The following KDM4B variants were observed in gnomAD, a reference collection of about 807,000 sequenced individuals.
KDM4B encodes lysine demethylase 4B.
Under a neutral mutation model 125.2 loss-of-function variants are expected in KDM4B, and 32 were observed. The ratio of observed to expected loss-of-function variants is 0.26; its 90% CI spans 0.19 to 0.34. The LOEUF (loss-of-function observed/expected upper bound fraction) is 0.34. Ranked by LOEUF, KDM4B falls within the 10% of genes least tolerant of loss-of-function variation. KDM4B has a pLI of 1.00. For synonymous variants in KDM4B, 721 were observed against 677.9 expected (o/e 1.06, Z -0.99); for missense variants, 1,190 against 1,577.7 (o/e 0.75, Z 4.16).
intron 5 of KDM4B, among the ~76,000 whole-genome samples, chr19:5,043,253 C>A (rs1351719282): frequency 7.7e-6 from 1 of 130,566 alleles, no homozygotes; most frequent in Non-Finnish European, 1.7e-5. Context: ...GGGTGTCCAC[C>A]TTATCCCGTG....
At chr19:5,118,798 C>T (rs759207202) in intron 10 of KDM4B, among the ~76,000 whole-genome samples, 12 of 152,238 alleles carry the variant, frequency 7.9e-5, no homozygotes, top group Non-Finnish European at 1.5e-4. Flanking sequence ...TTACTTGGGG[C>T]TGGTGTGCAG....
Position 5,082,889 on chromosome 19 carries a change from A to G in KDM4B, c.918+385A>G, listed in dbSNP as rs186557418. On this transcript the variant is annotated intron_variant, in intron 9 of 22. Transcript: ENST00000159111. The surrounding 1 kb of genome is among the most constrained non-coding windows in gnomAD (Gnocchi z 5.4). ...GGCTCCTGGGCATCTCCTGGCCATC[A>G]TGGTCCTGGGGTTGGGTTGTTTGCT... Among the ~76,000 whole-genome samples, 722 of 152,066 alleles carry G rather than the reference A, an allele frequency of 4.7e-3. 4 individuals are homozygous for G. Among genetic ancestry groups the G allele is most frequent in the Admixed American group, 0.012 (182 of 15,284 alleles).
intron 1 of KDM4B, among the ~76,000 whole-genome samples, chr19:5,004,214 G>A (rs1378670975): frequency 2.6e-5 from 4 of 152,244 alleles, no homozygotes; most frequent in Admixed American, 6.5e-5. Context: ...TCTTCTGGGG[G>A]AAGGAGACTC....
At chr19:5,038,836 G>A (rs2036714807) in intron 3 of KDM4B, among the ~76,000 whole-genome samples, 1 of 152,236 alleles carries the variant, frequency 6.6e-6, no homozygotes, top group African/African-American at 2.4e-5. Context: ...CTGCCTCACG[G>A]CCCCTGTCCC....
At chr19:4,976,780 G>T (rs569620855) in intron 1 of KDM4B, among the ~76,000 whole-genome samples, 1 of 152,186 alleles carries the variant, frequency 6.6e-6, no homozygotes, top group South Asian at 2.1e-4. Flanking sequence ...GTCAGTAGCC[G>T]AGTGGGGGAC....
At chr19:4,996,446 C>T (rs569617216) in intron 1 of KDM4B, among the ~76,000 whole-genome samples, 19 of 152,272 alleles carry the variant, frequency 1.2e-4, no homozygotes, top group Admixed American at 1.1e-3. Flanking sequence ...ATGATCACAG[C>T]TCCTTGCAGC....
chr19:5,137,427 C>T (rs1439075210), intron 16 of KDM4B, 89 bp downstream of exon 16: 1 of 1,321,894 alleles, frequency 7.6e-7, no homozygotes, highest in East Asian at 2.5e-5. Flanking sequence ...CGTAGTCTCC[C>T]CTCCGTGGGC....
chr19:5,027,633 C>T (rs1169403201), intron 2 of KDM4B, among the ~76,000 whole-genome samples: 7 of 151,448 alleles, frequency 4.6e-5, no homozygotes, highest in African/African-American at 1.2e-4. Flanking sequence ...CTCTGCCTCC[C>T]GGGTTCAAGC....
intron 10 of KDM4B, chr19:5,113,452 C>G (rs1372564526): frequency 1.3e-5 from 2 of 153,792 alleles, no homozygotes; most frequent in African/African-American, 4.8e-5. Context: ...GGTCGGTTCC[C>G]CCCTGAGCAG....
chr19:5,024,266 G>A lies in KDM4B; in HGVS notation c.-26+7927G>A, dbSNP rs112818748. Reference sequence around the variant, plus strand: ...GGGCCTGGGGTCATGTGGACAGGATGCCGGCCCAGCCCCAGCAGTGCCAGT... The same window carrying A: ...GGGCCTGGGGTCATGTGGACAGGATACCGGCCCAGCCCCAGCAGTGCCAGT... On this transcript the variant is annotated intron_variant, in intron 2 of 22. Transcript: ENST00000159111. Among the ~76,000 whole-genome samples the A allele has an allele frequency of 5.9e-5, 9 of 152,264 alleles. 2 individuals are homozygous for A. Among genetic ancestry groups the A allele is most frequent in the African/African-American group, 2.2e-4 (9 of 41,556 alleles).
chr19:5,009,880 T>G (rs1033862567), intron 1 of KDM4B, among the ~76,000 whole-genome samples: 1 of 152,090 alleles, frequency 6.6e-6, no homozygotes, highest in African/African-American at 2.4e-5. Context: ...TACAGGTGCC[T>G]TCCACTACGC....
At chr19:5,068,773 G>A (rs1304484068) in intron 6 of KDM4B, among the ~76,000 whole-genome samples, 2 of 152,252 alleles carry the variant, frequency 1.3e-5, no homozygotes, top group African/African-American at 2.4e-5. Flanking sequence ...CTGCTCCTCT[G>A]AACGCTGGGC....
chr19:5,016,007 G>A (rs62114288), intron 1 of KDM4B, among the ~76,000 whole-genome samples: 3 of 152,134 alleles, frequency 2.0e-5, no homozygotes, highest in Non-Finnish European at 2.9e-5. Flanking sequence ...GACTGTTCAC[G>A]GATACTCCCG....
intron 6 of KDM4B, among the ~76,000 whole-genome samples, chr19:5,059,914 C>T (rs892766804): frequency 2.6e-5 from 4 of 152,234 alleles, no homozygotes; most frequent in East Asian, 1.9e-4. Context: ...GGGATGCCTG[C>T]GTGTGGCTCA....
chr19:5,112,034 C>T, intron 10 of KDM4B: 1 of 556,942 alleles, frequency 1.8e-6, no homozygotes, highest in Non-Finnish European at 3.2e-6. Context: ...AGGAGGATTG[C>T]TTGAGTCCAG....
Position 5,144,236 on chromosome 19 carries a change from G to A in KDM4B, c.2737-12G>A, listed in dbSNP as rs200479858. ...GCGCTGACCGCCCCCCACACCCTCCGCACCCTCCCAGGTCCAACTCCTGAG... is the reference window on the plus strand; with the variant it reads ...GCGCTGACCGCCCCCCACACCCTCCACACCCTCCCAGGTCCAACTCCTGAG... On this transcript the variant is annotated splice_polypyrimidine_tract_variant and intron_variant, in intron 19 of 22. Transcript: ENST00000159111. 1.6e-4 allele frequency: 252 copies of A among 1,537,206 alleles called. No individual in the cohort carries two copies. Among genetic ancestry groups the A allele is most frequent in the African/African-American group, 3.4e-4 (24 of 70,780 alleles).
intron 6 of KDM4B, among the ~76,000 whole-genome samples, chr19:5,067,238 C>A (rs1056255448): frequency 6.6e-5 from 10 of 152,202 alleles, no homozygotes; most frequent in African/African-American, 2.4e-4. Context: ...TCTCCCCACC[C>A]CCTTAACATT....
intron 6 of KDM4B, among the ~76,000 whole-genome samples, chr19:5,067,820 G>T (rs551462287): frequency 6.6e-6 from 1 of 152,158 alleles, no homozygotes; most frequent in African/African-American, 2.4e-5. Context: ...GCAAGACCCC[G>T]TGCCACCCGG....
At chr19:4,985,478 A>G (rs1246982359) in intron 1 of KDM4B, among the ~76,000 whole-genome samples, 3 of 152,196 alleles carry the variant, frequency 2.0e-5, no homozygotes, top group African/African-American at 7.2e-5. Flanking sequence ...AGGTGGTAGA[A>G]TGTTCTAGCT....
Sources: allele counts gnomAD v4.1 joint callset (sites outside exome capture counted in the v4.1 genomes callset), GRCh38; gene constraint gnomAD v4.1.1; non-coding constraint Gnocchi (gnomAD v3.1); transcripts MANE v1.5; gene names NCBI Gene and HGNC (gene_info 2026-07-23, HGNC 2026-07-21).